Variants in PCDHA7 observed in about 807,000 individuals in gnomAD.
The protein encoded by PCDHA7 is protocadherin alpha-7.
PCDHA7 carries 37 observed loss-of-function variants against 57.2 expected under a neutral mutation model. That is an observed-to-expected ratio of 0.65 (90% CI 0.50 to 0.85). PCDHA7 has a LOEUF of 0.85. Among genes scored for constraint, PCDHA7 ranks in the 40% least tolerant of loss-of-function variants. PCDHA7 has a pLI of 0.00. For synonymous variants in PCDHA7, 553 were observed against 558.8 expected (o/e 0.99, Z 0.15); for missense variants, 1,188 against 1,241.8 (o/e 0.96, Z 0.65).
chr5:140,858,784 T>C (rs1554152015), intron 1 of PCDHA7: 8 of 401,650 alleles, frequency 2.0e-5, no homozygotes, highest in Non-Finnish European at 3.6e-5. Context: ...TACTTCATGT[T>C]ATTTCATTTC....
At chr5:140,842,563 C>T in intron 1 of PCDHA7, 2 of 1,499,332 alleles carry the variant, frequency 1.3e-6, no homozygotes, top group South Asian at 1.2e-5. Flanking sequence ...GCGCCCTGGA[C>T]CGCGAGAGAG....
At chr5:140,995,424 A>G (rs868948138) in intron 3 of PCDHA7, among the ~76,000 whole-genome samples, 10 of 152,186 alleles carry the variant, frequency 6.6e-5, no homozygotes, top group South Asian at 2.1e-4. Flanking sequence ...ATTACTCAGA[A>G]CAGCTTGCAA....
intron 1 of PCDHA7, chr5:140,868,024 G>A (rs550037758): frequency 2.0e-5 from 3 of 152,200 alleles, no homozygotes; most frequent in South Asian, 4.1e-4. Context: ...GGAAACCAAT[G>A]TTGGTGACTT....
intron 1 of PCDHA7, chr5:140,850,272 A>C: frequency 6.3e-7 from 1 of 1,594,726 alleles, no homozygotes; most frequent in Non-Finnish European, 8.6e-7. Context: ...AGTGGTGGGG[A>C]AGGTGCGCGC....
chr5:140,882,565 C>A (rs782122682), intron 1 of PCDHA7: 9 of 1,614,118 alleles, frequency 5.6e-6, no homozygotes, highest in African/African-American at 2.7e-5. Flanking sequence ...GTGGGCGGAG[C>A]GCGGAGTGCA....
In PCDHA7 at chr5:140,884,578, G is replaced by A. The variant is rs1554181757; in HGVS notation, c.2355+47840G>A. 6 of 1,614,104 alleles carry A rather than the reference G, an allele frequency of 3.7e-6. No homozygotes were observed. In the South Asian group the frequency reaches 4.4e-5, roughly 12 times the overall value. On this transcript the variant is annotated intron_variant, in intron 1 of 3. Transcript: ENST00000525929. ...AGGGCCCGCATAAGACGGACCTCAT[G>A]GCCTTCAGTCCCAGCCTTCCTCCTT...
chr5:141,005,287 A>AT (rs1405339052), intron 3 of PCDHA7, among the ~76,000 whole-genome samples: 5 of 152,162 alleles, frequency 3.3e-5, no homozygotes, highest in Admixed American at 1.3e-4. Context: ...AAACAGATAC[A>AT]TTTTTTGCCT....
chr5:140,921,345 A>C (rs1411062408), intron 1 of PCDHA7, among the ~76,000 whole-genome samples: 1 of 152,120 alleles, frequency 6.6e-6, no homozygotes, highest in African/African-American at 2.4e-5. Context: ...CACATAATAT[A>C]TTTGCCTATA....
intron 3 of PCDHA7, among the ~76,000 whole-genome samples, chr5:140,986,669 G>C (rs1448376850): frequency 6.6e-6 from 1 of 152,138 alleles, no homozygotes; most frequent in African/African-American, 2.4e-5. Flanking sequence ...ACAGTTTTCA[G>C]AAGAGTTCAG....
At chr5:140,984,031 CAT>C (rs2153832931) in intron 3 of PCDHA7, among the ~76,000 whole-genome samples, 1 of 152,260 alleles carries the variant, frequency 6.6e-6, no homozygotes, top group South Asian at 2.1e-4. Context: ...AGGGGAAAAA[CAT>C]AAAATAGTTC....
chr5:140,860,414 C>T (rs1180297544), intron 1 of PCDHA7: 1 of 152,016 alleles, frequency 6.6e-6, no homozygotes, highest in Non-Finnish European at 1.5e-5. Flanking sequence ...ATAGTAACAC[C>T]ATTATCCTGC....
chr5:140,944,191 G>C (rs181232402), intron 1 of PCDHA7, among the ~76,000 whole-genome samples: 1 of 151,980 alleles, frequency 6.6e-6, no homozygotes, highest in East Asian at 1.9e-4. Context: ...GGTTTGTTTT[G>C]TTTTGTTTTG....
At chr5:140,885,864 GA>G (rs1267536827) in intron 1 of PCDHA7, among the ~76,000 whole-genome samples, 5 of 151,842 alleles carry the variant, frequency 3.3e-5, no homozygotes, top group African/African-American at 4.8e-5. Context: ...CTTTTCTATT[GA>G]AAAAAAATTT....
chr5:140,884,276 G>A (rs2060082773), intron 1 of PCDHA7: 4 of 1,613,638 alleles, frequency 2.5e-6, no homozygotes, highest in East Asian at 2.2e-5. Flanking sequence ...GTTGTCGCTG[G>A]TGGAGAGCGG....
chr5:140,969,005 G>A (rs149076230), intron 1 of PCDHA7: 1 of 1,614,168 alleles, frequency 6.2e-7, no homozygotes, highest in Non-Finnish European at 8.5e-7. Flanking sequence ...AGGCTTCTGT[G>A]GAGTAAGGGA....
chr5:140,966,753 C>G, intron 1 of PCDHA7: 3 of 1,433,176 alleles, frequency 2.1e-6, no homozygotes, highest in South Asian at 1.5e-5. Flanking sequence ...CTGCCTCCGC[C>G]GCGGCCAGTG....
chr5:140,890,732 TTA>T (rs2062774217), intron 1 of PCDHA7, among the ~76,000 whole-genome samples: 1 of 152,238 alleles, frequency 6.6e-6, no homozygotes, highest in Admixed American at 6.5e-5. Context: ...CCCTTTTGAC[TTA>T]TATACTATTT....
chr5:140,939,269 A>G (rs1167199684), intron 1 of PCDHA7, among the ~76,000 whole-genome samples: 1 of 152,070 alleles, frequency 6.6e-6, no homozygotes, highest in Non-Finnish European at 1.5e-5. Flanking sequence ...CTTTTATGAG[A>G]GCTGTGCCCT....
intron 1 of PCDHA7, chr5:140,850,256 C>G (rs781879208): frequency 1.9e-6 from 3 of 1,594,146 alleles, no homozygotes; most frequent in Non-Finnish European, 1.7e-6. Context: ...CGGTGGGCGC[C>G]GGCGTAGTGG....
Sources: allele counts gnomAD v4.1 joint callset (sites outside exome capture counted in the v4.1 genomes callset), GRCh38; gene constraint gnomAD v4.1.1; transcripts MANE v1.5; gene names NCBI Gene and HGNC (gene_info 2026-07-23, HGNC 2026-07-21).